ILRUN: variants seen among roughly 807,000 people sequenced by gnomAD.
ILRUN encodes protein ILRUN.
Under a neutral mutation model 33.8 loss-of-function variants are expected in ILRUN, and 3 were observed. The ratio of observed to expected loss-of-function variants is 0.09; its 90% CI spans 0.04 to 0.23. The LOEUF (loss-of-function observed/expected upper bound fraction) is 0.23, where lower values mean the gene tolerates loss of function less well. Ranked by LOEUF, ILRUN falls within the 10% of genes least tolerant of loss-of-function variation. The pLI is 1.00. For synonymous variants in ILRUN, 124 were observed against 138.9 expected (o/e 0.89, Z 0.75); for missense variants, 210 against 375.1 (o/e 0.56, Z 3.64).
intron 1 of ILRUN, among the ~76,000 whole-genome samples, chr6:34,668,536 C>A (rs1452940706): frequency 6.6e-6 from 1 of 152,048 alleles, no homozygotes; most frequent in East Asian, 1.9e-4. Context: ...GTGGTGCCAC[C>A]CAAGACCTAA....
intron 3 of ILRUN, among the ~76,000 whole-genome samples, chr6:34,626,977 C>T (rs1467963709): frequency 6.6e-6 from 1 of 152,044 alleles, no homozygotes; most frequent in East Asian, 1.9e-4. Context: ...TGCACTCCAG[C>T]CTGGGCAACA....
At chr6:34,693,886 C>T (rs1314384718) in intron 1 of ILRUN, among the ~76,000 whole-genome samples, 2 of 151,706 alleles carry the variant, frequency 1.3e-5, no homozygotes, top group Non-Finnish European at 1.5e-5. Flanking sequence ...TGCAATGGTG[C>T]GATTTCAGCT....
chr6:34,625,435 A>C (rs1762102747), intron 3 of ILRUN, among the ~76,000 whole-genome samples: 1 of 152,194 alleles, frequency 6.6e-6, no homozygotes, highest in African/African-American at 2.4e-5. Context: ...ATCCTACAAA[A>C]GGCAGTCAAA....
chr6:34,612,644 T>A (rs1397665721), intron 3 of ILRUN, among the ~76,000 whole-genome samples: 1 of 152,174 alleles, frequency 6.6e-6, no homozygotes, highest in Non-Finnish European at 1.5e-5. Context: ...CAGCAGCTCA[T>A]GCCTGTAATG....
Position 34,602,609 on chromosome 6 carries a change from AG to A in ILRUN, c.861+3945del, listed in dbSNP as rs571053944. 3.5e-4 allele frequency among the ~76,000 whole-genome samples: 53 copies of A among 152,314 alleles called. 1 individual carries two copies. The East Asian group carries it at 0.01, about 29-fold the overall frequency. ...ATGCTCTTCAGCTAATCACATAAAAAGGGATCATTAAAACACTTTCTAGCCT... is the reference window on the plus strand; with the variant it reads ...ATGCTCTTCAGCTAATCACATAAAAAGGATCATTAAAACACTTTCTAGCCT... On this transcript the variant is annotated intron_variant, in intron 4 of 4. Coordinates refer to ENST00000374023, the MANE Select transcript of ILRUN (RefSeq NM_024294.4).
chr6:34,597,496 C>T (rs1761425182), intron 4 of ILRUN, among the ~76,000 whole-genome samples: 1 of 152,208 alleles, frequency 6.6e-6, no homozygotes, highest in Non-Finnish European at 1.5e-5. Context: ...CCAGCTTTCT[C>T]TCAGAATTTC....
chr6:34,659,611 A>G (rs1302960112), intron 1 of ILRUN, among the ~76,000 whole-genome samples: 4 of 148,382 alleles, frequency 2.7e-5, no homozygotes, highest in Non-Finnish European at 4.4e-5. Context: ...TACATACATA[A>G]GGCAGTCTTT....
intron 3 of ILRUN, among the ~76,000 whole-genome samples, chr6:34,624,669 C>T (rs1762079083): frequency 6.6e-6 from 1 of 152,128 alleles, no homozygotes; most frequent in African/African-American, 2.4e-5. Context: ...CATTTAAAAA[C>T]AACAACCACC....
At chr6:34,637,858 C>CTGTTGT (rs1162665863) in intron 3 of ILRUN, among the ~76,000 whole-genome samples, 8 of 127,498 alleles carry the variant, frequency 6.3e-5, no homozygotes, top group South Asian at 2.8e-4. Flanking sequence ...GCTGCTGCTG[C>CTGTTGT]TGCTGCTGTT....
At chr6:34,611,751 T>C (rs1209557196) in intron 3 of ILRUN, among the ~76,000 whole-genome samples, 1 of 152,210 alleles carries the variant, frequency 6.6e-6, no homozygotes, top group Non-Finnish European at 1.5e-5. Flanking sequence ...CTTCGTTTTC[T>C]AGATTTAAAA....
chr6:34,648,838 T>C (rs950175029), intron 2 of ILRUN, among the ~76,000 whole-genome samples: 1 of 152,176 alleles, frequency 6.6e-6, no homozygotes. Context: ...TCTGTTTATA[T>C]GAAATCCCAA....
intron 1 of ILRUN, among the ~76,000 whole-genome samples, chr6:34,683,158 G>T (rs1251889895): frequency 9.6e-6 from 1 of 104,034 alleles, no homozygotes; most frequent in South Asian, 2.5e-4. Context: ...AAATACACAC[G>T]TGTGTTTATG....
intron 3 of ILRUN, among the ~76,000 whole-genome samples, chr6:34,619,390 CACTCAGGCTGG>C (rs1293220244): frequency 6.6e-6 from 1 of 152,056 alleles, no homozygotes; most frequent in Non-Finnish European, 1.5e-5. Context: ...CTCACTCTGT[CACTCAGGCTGG>C]ATGAAGTGCA....
chr6:34,684,540 T>G (rs1006273807), intron 1 of ILRUN, among the ~76,000 whole-genome samples: 2 of 152,186 alleles, frequency 1.3e-5, no homozygotes, highest in Non-Finnish European at 2.9e-5. Context: ...TACAAAGTAG[T>G]GCGTAAGAGG....
At chr6:34,675,316 T>C (rs1763205083) in intron 1 of ILRUN, among the ~76,000 whole-genome samples, 1 of 151,694 alleles carries the variant, frequency 6.6e-6, no homozygotes, top group Admixed American at 6.6e-5. Flanking sequence ...ACAAAAAAGG[T>C]GCAAAACAAG....
rs534256937 is a variant in ILRUN, at chr6:34,647,749, G to C, written c.314-951C>G. On this transcript the variant is annotated intron_variant, in intron 2 of 4. Transcript: ENST00000374023. ...CTGGCTAATTATTGTATTTTTACAA[G>C]AGATGGGGTTTCACTATGTTGGCCA... 3.9e-5 allele frequency among the ~76,000 whole-genome samples: 6 copies of C among 152,192 alleles called. No individual in the cohort carries two copies. In the South Asian group the frequency reaches 1.2e-3, roughly 31 times the overall value.
rs1289507613 is a variant in ILRUN at position 34,614,435 on chromosome 6, A to ATATATATATATATATATATAT, written c.512-7532_512-7531insATATATATATATATATATATA. On this transcript the variant is annotated intron_variant, in intron 3 of 4. Coordinates refer to ENST00000374023, the MANE Select transcript of ILRUN (RefSeq NM_024294.4). ...AGACTCCATCTCAAAAAATAATAAA[A>ATATATATATATATATATATAT]AAAAAAAAATATATATATATAAAAT... 4.7e-4 allele frequency among the ~76,000 whole-genome samples: 58 copies of ATATATATATATATATATATAT among 123,364 alleles called. 2 individuals are homozygous for ATATATATATATATATATATAT. Among genetic ancestry groups the ATATATATATATATATATATAT allele is most frequent in the African/African-American group, 2.0e-3 (51 of 26,086 alleles). 80.9% of individuals were successfully genotyped at this position (123,364 alleles called of 152,430 possible).
chr6:34,646,504 C>T lies in ILRUN; in HGVS notation c.511+97G>A. 5.9e-6 allele frequency: 7 copies of T among 1,179,692 alleles called. 1 individual carries two copies. Among genetic ancestry groups the T allele is most frequent in the African/African-American group, 4.5e-5 (3 of 66,482 alleles). The allele number at this position is 1,179,692 out of a possible 1,614,324, so 73.1% of individuals were successfully genotyped here. ...GTGACTGTTAAAAAGAGGCCATGCCCTGTTATGCAATTTGACAGGCTCTGT... is the reference window on the plus strand; with the variant it reads ...GTGACTGTTAAAAAGAGGCCATGCCTTGTTATGCAATTTGACAGGCTCTGT... On this transcript the variant is annotated intron_variant, in intron 3 of 4. Coordinates refer to ENST00000374023, the MANE Select transcript of ILRUN (RefSeq NM_024294.4). The surrounding 1 kb of genome is among the most constrained non-coding windows in gnomAD (Gnocchi z 4.9).
chr6:34,590,839 G>C (rs1427228815), intron 4 of ILRUN, among the ~76,000 whole-genome samples: 1 of 152,192 alleles, frequency 6.6e-6, no homozygotes, highest in African/African-American at 2.4e-5. Context: ...GGAGGGTAGA[G>C]ATAACTCCCC....
Sources: allele counts gnomAD v4.1 joint callset (sites outside exome capture counted in the v4.1 genomes callset), GRCh38; gene constraint gnomAD v4.1.1; non-coding constraint Gnocchi (gnomAD v3.1); transcripts MANE v1.5; gene names NCBI Gene and HGNC (gene_info 2026-07-23, HGNC 2026-07-21).